The following KAT6A variants were observed in gnomAD, a reference collection of about 807,000 sequenced individuals.
KAT6A encodes the protein lysine acetyltransferase 6A.
Under a neutral mutation model 198.4 loss-of-function variants are expected in KAT6A, and 9 were observed. That is an observed-to-expected ratio of 0.05 (90% CI 0.03 to 0.08). The LOEUF is 0.08. Ranked by LOEUF, KAT6A falls within the 10% of genes least tolerant of loss-of-function variation. The probability of loss-of-function intolerance (pLI) is 1.00; values close to 1 mark genes in which losing one functional copy is unlikely to be tolerated. For synonymous variants in KAT6A, 890 were observed against 883.0 expected (o/e 1.01, Z -0.14); for missense variants, 2,077 against 2,509.9 (o/e 0.83, Z 3.69).
At chr8:42,008,611 C>T (rs1176134224) in intron 2 of KAT6A, among the ~76,000 whole-genome samples, 1 of 152,152 alleles carries the variant, frequency 6.6e-6, no homozygotes, top group Non-Finnish European at 1.5e-5. Flanking sequence ...TTCCAAAGTG[C>T]TGGGATTACA....
At chr8:42,036,794 G>C (rs1415258700) in intron 2 of KAT6A, among the ~76,000 whole-genome samples, 1 of 152,178 alleles carries the variant, frequency 6.6e-6, no homozygotes, top group Non-Finnish European at 1.5e-5. Flanking sequence ...ATCTTCTTGA[G>C]ATAAAGCAGT....
intron 2 of KAT6A, among the ~76,000 whole-genome samples, chr8:41,995,723 C>T (rs527796959): frequency 7.2e-5 from 10 of 139,776 alleles, no homozygotes; most frequent in East Asian, 2.1e-4. Context: ...GTTGCCCAGG[C>T]GGGAGTGCAA....
chr8:42,039,887 C>T (rs774467811), intron 2 of KAT6A, among the ~76,000 whole-genome samples: 16 of 147,800 alleles, frequency 1.1e-4, no homozygotes, highest in Non-Finnish European at 2.1e-4. Context: ...GCGCCCACCA[C>T]AATGCCTGGC....
intron 2 of KAT6A, among the ~76,000 whole-genome samples, chr8:42,013,622 G>C (rs1826126010): frequency 1.3e-5 from 2 of 151,952 alleles, no homozygotes; most frequent in Admixed American, 6.6e-5. Context: ...CAATATATGG[G>C]GTTCCTTGCT....
intron 15 of KAT6A, 134 bp downstream of exon 15, chr8:41,940,708 C>G (rs1009046043): frequency 1.9e-6 from 2 of 1,080,714 alleles, no homozygotes; most frequent in African/African-American, 3.2e-5. Context: ...CTACAATATA[C>G]AGAGGCTTAA....
chr8:41,971,735 T>C (rs1823805793), intron 8 of KAT6A, among the ~76,000 whole-genome samples: 1 of 151,456 alleles, frequency 6.6e-6, no homozygotes, highest in South Asian at 2.1e-4. Flanking sequence ...GAAAATAGAC[T>C]AGAGAGTGGG....
At chr8:41,996,773 T>C (rs1178958883) in intron 2 of KAT6A, among the ~76,000 whole-genome samples, 1 of 152,218 alleles carries the variant, frequency 6.6e-6, no homozygotes, top group African/African-American at 2.4e-5. Flanking sequence ...TCCAAAACTA[T>C]GAACCAAATA....
At position 41,931,990 on chromosome 8, in the gene KAT6A, G is replaced by A. The variant is rs893585643; in HGVS notation, c.*215C>T. 1 of 404,408 alleles carries A rather than the reference G, an allele frequency of 2.5e-6. No individual in the cohort carries two copies. The highest frequency in any genetic ancestry group is 2.0e-5 in the African/African-American group (1 of 48,864). The allele number at this position is 404,408 out of a possible 1,614,324, so 25.1% of individuals were successfully genotyped here. A position where few individuals can be genotyped will look rare whatever the true frequency, so the allele number is the denominator to read the frequency against. ...TTTTAGATGAGTTCTACTGTAAAAT[G>A]TTCAAGATTGTGAAGAAAACCAAAA... is the stretch of plus-strand genomic sequence containing the variant. On this transcript the variant is annotated 3_prime_UTR_variant, in exon 17 of 17. Transcript: ENST00000265713.
chr8:41,934,604 C>T lies in KAT6A; in HGVS notation c.3616G>A (p.Glu1206Lys). 1.2e-6 allele frequency: 2 copies of T among 1,614,114 alleles called. No homozygotes were observed. Among genetic ancestry groups the T allele is most frequent in the Non-Finnish European group, 1.7e-6 (2 of 1,180,038 alleles). Residue 1206 changes from glutamate to lysine, a missense_variant, in exon 17 of 17, where the codon GAG becomes AAG. By Grantham distance (56) the Glu-to-Lys change is moderately conservative. Coordinates refer to ENST00000265713, the MANE Select transcript of KAT6A (RefSeq NM_006766.5). ...PKAGRKPKIQESEETVEPKED... is the reference protein window; with the variant it reads ...PKAGRKPKIQKSEETVEPKED... ...TTTGGCTCAACAGTTTCTTCACTCT[C>T]CTGGATCTTGGGTTTACGTCCAGCT...
intron 2 of KAT6A, among the ~76,000 whole-genome samples, chr8:42,014,249 C>T (rs1826160464): frequency 6.6e-6 from 1 of 152,090 alleles, no homozygotes; most frequent in Admixed American, 6.6e-5. Flanking sequence ...AAAAGAGATG[C>T]CAGATATGCT....
chr8:42,028,440 T>C lies in KAT6A; in HGVS notation c.600+19938A>G, dbSNP rs549996118. On this transcript the variant is annotated intron_variant, in intron 2 of 16. Transcript: ENST00000265713. ...ATATTGGGTGCGTATATATTTACCA[T>C]TGTTATATCCTCTTGCTGTACTGAT... 4.6e-5 allele frequency among the ~76,000 whole-genome samples: 7 copies of C among 152,332 alleles called. No individual in the cohort carries two copies. In the South Asian group the frequency reaches 1.2e-3, roughly 27 times the overall value.
chr8:42,009,385 C>A (rs752794300), intron 2 of KAT6A, among the ~76,000 whole-genome samples: 24 of 150,664 alleles, frequency 1.6e-4, no homozygotes, highest in Non-Finnish European at 3.2e-4. Context: ...TGGATTCTTG[C>A]TGAACAACCA....
chr8:41,962,457 C>T (rs1823249139), intron 8 of KAT6A, among the ~76,000 whole-genome samples: 1 of 152,178 alleles, frequency 6.6e-6, no homozygotes, highest in Non-Finnish European at 1.5e-5. Flanking sequence ...TCCCTGCTTT[C>T]ACAATGCATC....
rs1822868327 is a variant in KAT6A at position 41,955,261 on chromosome 8, T to C, written c.1598+35A>G. 3.1e-6 allele frequency: 4 copies of C among 1,295,162 alleles called. No individual in the cohort carries two copies. In the East Asian group the frequency reaches 9.2e-5, roughly 30 times the overall value. 80.2% of individuals were successfully genotyped at this position (1,295,162 alleles called of 1,614,324 possible). On this transcript the variant is annotated intron_variant, in intron 9 of 16. Coordinates refer to ENST00000265713, the MANE Select transcript of KAT6A (RefSeq NM_006766.5). Reference sequence around the variant, plus strand: ...TTCCAGTTCCAGACTTCTATGGATCTCAAAACAGAAGGTCAAGGGTCTCTC... The same window carrying C: ...TTCCAGTTCCAGACTTCTATGGATCCCAAAACAGAAGGTCAAGGGTCTCTC...
At chr8:41,977,479 G>A (rs538403237) in intron 6 of KAT6A, 152 bp from the exon 7 acceptor site, 2 of 511,722 alleles carry the variant, frequency 3.9e-6, no homozygotes, top group South Asian at 8.1e-5. Flanking sequence ...AGTACTCTGT[G>A]AATGAAAATT....
intron 9 of KAT6A, among the ~76,000 whole-genome samples, chr8:41,953,711 C>T (rs1000555928): frequency 1.3e-5 from 2 of 152,050 alleles, no homozygotes; most frequent in East Asian, 1.9e-4. Flanking sequence ...TGACCTCAGG[C>T]GATCTGCCTA....
At chr8:42,014,352 G>A (rs758378935) in intron 2 of KAT6A, among the ~76,000 whole-genome samples, 3 of 152,164 alleles carry the variant, frequency 2.0e-5, no homozygotes, top group Non-Finnish European at 4.4e-5. Flanking sequence ...GCCATACTCT[G>A]TAATCAGCTA....
At chr8:42,012,655 G>T (rs1348856820) in intron 2 of KAT6A, among the ~76,000 whole-genome samples, 1 of 152,182 alleles carries the variant, frequency 6.6e-6, no homozygotes, top group Non-Finnish European at 1.5e-5. Flanking sequence ...CGACCCTCAG[G>T]ATAGTGAGGG....
At chr8:41,992,915 A>G (rs1393691211) in intron 2 of KAT6A, among the ~76,000 whole-genome samples, 1 of 152,246 alleles carries the variant, frequency 6.6e-6, no homozygotes, top group Non-Finnish European at 1.5e-5. Context: ...AAGTCTGGAA[A>G]ACAAATTATT....
Sources: allele counts gnomAD v4.1 joint callset (sites outside exome capture counted in the v4.1 genomes callset), GRCh38; gene constraint gnomAD v4.1.1; transcripts MANE v1.5; gene names NCBI Gene and HGNC (gene_info 2026-07-23, HGNC 2026-07-21).